The following RPS6KC1 variants were observed in gnomAD, a reference collection of about 807,000 sequenced individuals.
RPS6KC1 encodes ribosomal protein S6 kinase C1.
A neutral mutation model predicts 103.8 loss-of-function variants in RPS6KC1; 54 were observed. The observed-to-expected ratio is 0.52, with a 90% CI of 0.42 to 0.65. The LOEUF (loss-of-function observed/expected upper bound fraction) is 0.65, where lower values mean the gene tolerates loss of function less well. RPS6KC1 is among the 30% of genes least tolerant of loss of function. RPS6KC1 has a pLI of 0.00. For missense variants in RPS6KC1, 1,151 were observed against 1,253.8 expected (o/e 0.92, Z 1.24); for synonymous variants, 439 against 438.7 (o/e 1.00, Z -0.01).
chr1:213,451,490 C>T, the RPS6KC1 span, among the ~76,000 whole-genome samples: 1 of 152,204 alleles, frequency 6.6e-6, no homozygotes, highest in East Asian at 1.9e-4. Context: ...CCTTTCTCCT[C>T]TGTTTCTTTT....
At chr1:213,440,505 T>C in the RPS6KC1 span, among the ~76,000 whole-genome samples, 8 of 149,190 alleles carry the variant, frequency 5.4e-5, no homozygotes, top group Non-Finnish European at 8.9e-5. Flanking sequence ...ATGAATGCTA[T>C]GATTAAATGA....
chr1:213,854,536 C>CTT, the RPS6KC1 span, among the ~76,000 whole-genome samples: 2 of 102,150 alleles, frequency 2.0e-5, no homozygotes, highest in East Asian at 3.3e-4. Context: ...TTCTTTCTTT[C>CTT]TTTCTTTCTT....
the RPS6KC1 span, among the ~76,000 whole-genome samples, chr1:213,790,496 T>A: frequency 6.6e-6 from 1 of 151,990 alleles, no homozygotes; most frequent in Admixed American, 6.6e-5. Flanking sequence ...AATGTTAAAT[T>A]TAGAAGAGTT....
the RPS6KC1 span, among the ~76,000 whole-genome samples, chr1:213,580,762 A>AT: frequency 0.18 from 26,398 of 150,620 alleles, 2,637 homozygotes; most frequent in East Asian, 0.38. Context: ...GATTGTTAGC[A>AT]TTTTTTTTTG....
the RPS6KC1 span, among the ~76,000 whole-genome samples, chr1:213,391,733 CAG>C: frequency 1.3e-5 from 2 of 152,204 alleles, no homozygotes; most frequent in Non-Finnish European, 2.9e-5. Context: ...GATTAAATGA[CAG>C]AATATATCAC....
At chr1:213,657,738 T>A in the RPS6KC1 span, among the ~76,000 whole-genome samples, 1 of 152,134 alleles carries the variant, frequency 6.6e-6, no homozygotes, top group Non-Finnish European at 1.5e-5. Context: ...TCATGATAAG[T>A]GGTTGGTGCT....
chr1:213,665,503 C>G, the RPS6KC1 span, among the ~76,000 whole-genome samples: 5 of 151,626 alleles, frequency 3.3e-5, no homozygotes, highest in Non-Finnish European at 7.4e-5. Flanking sequence ...CATAATTTTT[C>G]TCTCTATTGG....
the RPS6KC1 span, among the ~76,000 whole-genome samples, chr1:213,376,545 C>A: frequency 3.9e-5 from 6 of 152,042 alleles, no homozygotes; most frequent in East Asian, 1.2e-3. Context: ...AGATATGGTC[C>A]CACAGTTCCT....
chr1:213,095,680 A>C (rs181171875), intron 3 of RPS6KC1, among the ~76,000 whole-genome samples: 1 of 152,356 alleles, frequency 6.6e-6, no homozygotes, highest in East Asian at 1.9e-4. Context: ...CAATAAAGTG[A>C]GTCACACAGA....
chr1:213,762,721 C>A, the RPS6KC1 span, among the ~76,000 whole-genome samples: 1 of 152,036 alleles, frequency 6.6e-6, no homozygotes, highest in Non-Finnish European at 1.5e-5. Context: ...TAATTGTATG[C>A]TATTAACAAG....
the RPS6KC1 span, among the ~76,000 whole-genome samples, chr1:213,423,870 G>A: frequency 6.6e-6 from 1 of 152,236 alleles, no homozygotes; most frequent in Non-Finnish European, 1.5e-5. Flanking sequence ...AACGAGATTA[G>A]CGCGATGTGA....
In RPS6KC1 at chr1:213,232,128, A is replaced by G. The variant is rs1322592160; in HGVS notation, c.1098A>G (p.Leu366=). Residue 366 remains leucine, a synonymous_variant, in exon 10 of 15, where the codon CTA becomes CTG. Coordinates refer to ENST00000366960, the MANE Select transcript of RPS6KC1 (RefSeq NM_012424.6). ...RTEQTFILKG[L]RKSSEYSRNR... ...ACCTTTTTGTTCTCTGTCAGGGTCT[A>G]AGGAAAAGCAGTGAATACAGCAGGA... is the stretch of plus-strand genomic sequence containing the variant. The G allele has an allele frequency of 5.0e-6, 8 of 1,613,664 alleles. No homozygotes were observed. Among genetic ancestry groups the G allele is most frequent in the Non-Finnish European group, 6.8e-6 (8 of 1,179,824 alleles).
the RPS6KC1 span, among the ~76,000 whole-genome samples, chr1:213,574,375 G>T: frequency 2.0e-5 from 3 of 152,090 alleles, no homozygotes; most frequent in Non-Finnish European, 2.9e-5. Flanking sequence ...TCCTCCTAAA[G>T]GCATTTTCAT....
the RPS6KC1 span, among the ~76,000 whole-genome samples, chr1:213,675,692 C>A: frequency 2.6e-5 from 4 of 151,870 alleles, no homozygotes; most frequent in African/African-American, 9.7e-5. Flanking sequence ...GTCTGACCAA[C>A]ATGGTGAAAC....
chr1:213,542,777 A>G, the RPS6KC1 span, among the ~76,000 whole-genome samples: 5 of 152,260 alleles, frequency 3.3e-5, no homozygotes, highest in Non-Finnish European at 7.3e-5. Flanking sequence ...TTAACACCAT[A>G]TAATAGCGAT....
chr1:213,319,687 GGCCTT>G, the RPS6KC1 span, among the ~76,000 whole-genome samples: 35 of 152,160 alleles, frequency 2.3e-4, no homozygotes, highest in African/African-American at 8.4e-4. Context: ...TTGAAAGACA[GGCCTT>G]GCTTGTCGGG....
chr1:213,276,755 A>G (rs959858631), downstream of RPS6KC1, among the ~76,000 whole-genome samples: 5 of 152,220 alleles, frequency 3.3e-5, no homozygotes, highest in Admixed American at 3.3e-4. Context: ...GTAAAATTAC[A>G]ATTAAAATGA....
chr1:213,074,222 T>A (rs924105852), intron 2 of RPS6KC1, among the ~76,000 whole-genome samples: 6 of 152,118 alleles, frequency 3.9e-5, no homozygotes, highest in African/African-American at 1.4e-4. Flanking sequence ...AAGGAAACAT[T>A]TATGTAGAAA....
intron 4 of RPS6KC1, among the ~76,000 whole-genome samples, chr1:213,109,328 G>A (rs1025860340): frequency 4.7e-4 from 71 of 151,832 alleles, no homozygotes; most frequent in African/African-American, 1.5e-3. Flanking sequence ...TAGTAGAGAC[G>A]GGGTTTCACC....
Sources: allele counts gnomAD v4.1 joint callset (sites outside exome capture counted in the v4.1 genomes callset), GRCh38; gene constraint gnomAD v4.1.1; transcripts MANE v1.5; gene names NCBI Gene and HGNC (gene_info 2026-07-23, HGNC 2026-07-21).